The following NEGR1 variants were observed in gnomAD, a reference collection of about 807,000 sequenced individuals.
The protein encoded by NEGR1 is neuronal growth regulator 1.
In NEGR1, 10 loss-of-function variants were observed where a neutral mutation model predicts 40.9. The observed-to-expected ratio is 0.24, with a 90% confidence interval of 0.15 to 0.42. The LOEUF (loss-of-function observed/expected upper bound fraction) is 0.42, where lower values mean the gene tolerates loss of function less well. Among genes scored for constraint, NEGR1 ranks in the 10% least tolerant of loss-of-function variants. NEGR1 has a pLI of 1.00. For missense variants in NEGR1, 352 were observed against 438.9 expected (o/e 0.80, Z 1.77); for synonymous variants, 185 against 166.8 (o/e 1.11, Z -0.84).
intron 6 of NEGR1, among the ~76,000 whole-genome samples, chr1:71,453,515 G>A (rs1248099135): frequency 6.6e-6 from 1 of 151,994 alleles, no homozygotes; most frequent in African/African-American, 2.4e-5. Context: ...TAGTTTCATA[G>A]GAAAACAACA....
intron 5 of NEGR1, among the ~76,000 whole-genome samples, chr1:71,599,749 A>G (rs1182003669): frequency 6.6e-6 from 1 of 152,160 alleles, no homozygotes; most frequent in Non-Finnish European, 1.5e-5. Context: ...TTACTTTATC[A>G]ATTTTAATGA....
At chr1:71,940,279 C>T (rs1645947060) in intron 1 of NEGR1, among the ~76,000 whole-genome samples, 1 of 152,128 alleles carries the variant, frequency 6.6e-6, no homozygotes. Flanking sequence ...TCGAGTATGG[C>T]ATAGCTTTCC....
intron 3 of NEGR1, among the ~76,000 whole-genome samples, chr1:71,774,558 T>A (rs1451257801): frequency 1.3e-5 from 2 of 152,106 alleles, no homozygotes; most frequent in African/African-American, 4.8e-5. Context: ...TGAAGGGTAA[T>A]ATTAAAGAAA....
rs1646224821 is a variant in NEGR1 at position 71,398,235 on chromosome 1, A to G, written c.*9211T>C. The G allele has an allele frequency of 1.3e-5, 2 of 152,364 alleles. No individual in the cohort carries two copies. The highest frequency in any genetic ancestry group is 2.9e-5 in the Non-Finnish European group (2 of 68,156). The allele number at this position is 152,364 out of a possible 1,614,324, so 9.4% of individuals were successfully genotyped here. A position where few individuals can be genotyped will look rare whatever the true frequency, so the allele number is the denominator to read the frequency against. ...GTAGTGGAGCTGTGAGAAGTGGGCCACTGTCCTCCAGATCCCAGAATCATA... is the reference window on the plus strand; with the variant it reads ...GTAGTGGAGCTGTGAGAAGTGGGCCGCTGTCCTCCAGATCCCAGAATCATA... On this transcript the variant is annotated 3_prime_UTR_variant, in exon 7 of 7. Coordinates refer to ENST00000357731, the MANE Select transcript of NEGR1 (RefSeq NM_173808.3).
At chr1:71,546,855 G>A (rs1249586882) in intron 6 of NEGR1, among the ~76,000 whole-genome samples, 1 of 151,626 alleles carries the variant, frequency 6.6e-6, no homozygotes, top group Non-Finnish European at 1.5e-5. Context: ...GAACAATGTA[G>A]GTTAAGACCT....
At chr1:71,921,301 T>C (rs1369862539) in intron 2 of NEGR1, among the ~76,000 whole-genome samples, 1 of 152,130 alleles carries the variant, frequency 6.6e-6, no homozygotes, top group East Asian at 1.9e-4. Flanking sequence ...CCACTGGAAA[T>C]TTTAAGAAAA....
chr1:71,593,118 C>T (rs1413370), intron 5 of NEGR1, 150 bp from the exon 6 acceptor site: 11,293 of 539,456 alleles, frequency 0.021, 162 homozygotes, highest in South Asian at 0.036. Flanking sequence ...TTACATTTCA[C>T]TTACATTAGT....
chr1:71,467,378 T>C (rs934953159), intron 6 of NEGR1, among the ~76,000 whole-genome samples: 1 of 152,102 alleles, frequency 6.6e-6, no homozygotes, highest in Non-Finnish European at 1.5e-5. Context: ...ATCTGCGTTA[T>C]ACATGTTATC....
intron 1 of NEGR1, among the ~76,000 whole-genome samples, chr1:71,946,482 A>G (rs114669020): frequency 4.0e-4 from 61 of 152,078 alleles, no homozygotes; most frequent in African/African-American, 1.3e-3. Flanking sequence ...TCAATTTTAA[A>G]TATGTCCAAA....
At chr1:71,567,930 C>T (rs6700555) in intron 6 of NEGR1, among the ~76,000 whole-genome samples, 49,887 of 151,858 alleles carry the variant, frequency 0.33, 9,171 homozygotes, top group East Asian at 0.73. Flanking sequence ...GAAGAGGGCC[C>T]TCACCCGAAC....
At chr1:71,858,232 T>G (rs924694298) in intron 2 of NEGR1, among the ~76,000 whole-genome samples, 8 of 152,006 alleles carry the variant, frequency 5.3e-5, no homozygotes, top group African/African-American at 1.9e-4. Flanking sequence ...AAGCTCACAG[T>G]GAAATATGCT....
chr1:71,633,343 G>A (rs938920964), intron 4 of NEGR1, among the ~76,000 whole-genome samples: 9 of 152,024 alleles, frequency 5.9e-5, no homozygotes, highest in Admixed American at 5.9e-4. Context: ...TAATGTTTAT[G>A]GTTCTTAATT....
At chr1:71,677,420 A>G (rs911537446) in intron 4 of NEGR1, among the ~76,000 whole-genome samples, 4 of 152,298 alleles carry the variant, frequency 2.6e-5, no homozygotes, top group Non-Finnish European at 4.4e-5. Context: ...AATTAATGAT[A>G]TTGAACTTTA....
chr1:72,017,292 G>T (rs1357972950), intron 1 of NEGR1, among the ~76,000 whole-genome samples: 1 of 152,096 alleles, frequency 6.6e-6, no homozygotes, highest in Non-Finnish European at 1.5e-5. Context: ...GGCAGTTTAA[G>T]AGTAGGCGCT....
At chr1:72,135,385 AAAAAC>A (rs1650417228) in intron 1 of NEGR1, among the ~76,000 whole-genome samples, 2 of 136,816 alleles carry the variant, frequency 1.5e-5, no homozygotes, top group African/African-American at 5.4e-5. Flanking sequence ...CAAAAAAAAA[AAAAAC>A]AAAAAACAAA....
At chr1:72,151,462 A>G (rs1368997957) in intron 1 of NEGR1, among the ~76,000 whole-genome samples, 1 of 151,810 alleles carries the variant, frequency 6.6e-6, no homozygotes. Flanking sequence ...TGATAATACA[A>G]TAGGATGCAA....
Position 72,142,800 on chromosome 1 carries a change from T to C in NEGR1, c.176+139519A>G, listed in dbSNP as rs77589174. Among the ~76,000 whole-genome samples, 502 of 151,960 alleles carry C rather than the reference T, an allele frequency of 3.3e-3. 6 individuals are homozygous for C. The highest frequency in any genetic ancestry group is 0.012 in the African/African-American group (480 of 41,516). ...GGTCCAGTGATCCTACATGAAACCC[T>C]ATTCCTTTTCTTGAAATCATGATGA... On this transcript the variant is annotated intron_variant, in intron 1 of 6. Coordinates refer to ENST00000357731, the MANE Select transcript of NEGR1 (RefSeq NM_173808.3).
At chr1:72,033,726 C>G (rs1192796300) in intron 1 of NEGR1, among the ~76,000 whole-genome samples, 1 of 152,058 alleles carries the variant, frequency 6.6e-6, no homozygotes, top group African/African-American at 2.4e-5. Context: ...CATGTTTAGA[C>G]TGTTATTTTT....
rs1446214512 is a variant in NEGR1 at position 71,399,375 on chromosome 1, G to A, written c.*8071C>T. ...TTAGTTGTTTATCAACAAGAAAAATGTATTACAAGAAATTAATTTATTCCA... is the reference window on the plus strand; with the variant it reads ...TTAGTTGTTTATCAACAAGAAAAATATATTACAAGAAATTAATTTATTCCA... On this transcript the variant is annotated 3_prime_UTR_variant, in exon 7 of 7. Transcript: ENST00000357731. 1 of 151,860 alleles carries A rather than the reference G, an allele frequency of 6.6e-6. No homozygotes were observed. The highest frequency in any genetic ancestry group is 2.4e-5 in the African/African-American group (1 of 41,364). 9.4% of individuals were successfully genotyped at this position (151,860 alleles called of 1,614,324 possible).
Sources: gnomAD v4.1 joint callset for allele counts (sites outside exome capture counted in the v4.1 genomes callset) on GRCh38, gnomAD v4.1.1 for gene constraint, MANE v1.5 for transcripts, NCBI Gene and HGNC (gene_info 2026-07-23, HGNC 2026-07-21) for gene names.